The following UTP20 variants were observed in gnomAD, a reference collection of about 807,000 sequenced individuals.
UTP20 encodes small subunit processome component 20 homolog.
UTP20 carries 164 observed loss-of-function variants against 329.5 expected under a neutral mutation model. That is an observed-to-expected ratio of 0.50 (90% confidence interval 0.44 to 0.57). The LOEUF (loss-of-function observed/expected upper bound fraction) is 0.57, where lower values mean the gene tolerates loss of function less well. Among genes scored for constraint, UTP20 ranks in the 20% least tolerant of loss-of-function variants. The pLI is 0.00. For synonymous variants in UTP20, 1,151 were observed against 1,159.3 expected, an observed-to-expected ratio of 0.99 and a Z score of 0.14; for missense variants, 3,055 against 3,284.2, an observed-to-expected ratio of 0.93 and a Z score of 1.71.
Position 101,321,551 on chromosome 12 carries a change from T to C in UTP20, c.2963T>C (p.Ile988Thr), listed in dbSNP as rs1868374247. The change falls in exon 25 of 62, where the codon ATA becomes ACA. Residue 988 changes from isoleucine to threonine, a missense_variant. This residue lies in a region of UTP20 where 2,445 missense variants were observed against 2,575.5 expected (regional missense o/e 0.95). Transcript: ENST00000261637. ...GAAGACAGAAGCTTTAAGGAAGAGA[T>C]AGTGCATTTTAGCATTTCAGAAGAT... ...LLEDRSFKEE[I>T]VHFSISEDNA... is the part of the protein sequence containing the mutation. 1.9e-6 allele frequency: 3 copies of C among 1,613,554 alleles called. No homozygotes were observed. The highest frequency in any genetic ancestry group is 1.3e-5 in the African/African-American group (1 of 74,928).
rs757570523 is a variant in UTP20, at chr12:101,309,872, T to C, written c.2231+33T>C. 2.5e-6 allele frequency: 4 copies of C among 1,571,884 alleles called. No homozygotes were observed. The Admixed American group carries it at 6.7e-5, about 26-fold the overall frequency. On this transcript the variant is annotated intron_variant, in intron 19 of 61. Coordinates refer to ENST00000261637, the MANE Select transcript of UTP20 (RefSeq NM_014503.3). ...TGGGTTAAATGGGATGAAACTATTA[T>C]ACTTTAACTACTGCAGAATGATGGG...
At chr12:101,363,502 T>C in intron 44 of UTP20, 74 bp from the exon 45 acceptor site, 5 of 1,415,128 alleles carry the variant, frequency 3.5e-6, no homozygotes, top group East Asian at 2.4e-5. Context: ...ACCAGGGCCT[T>C]TTTTCAGTGA....
rs766750923 is a variant in UTP20 at position 101,374,837 on chromosome 12, C to G, written c.7161C>G (p.Ile2387Met). ...TAAATAGACAACTTGCTGCCCTGAT[C>G]TGTGGCTTGTTTGTGGAAAGTGAAG... ...KRLNRQLAAL[I>M]CGLFVESEGV... Residue 2387 changes from isoleucine to methionine, a missense_variant, in exon 55 of 62, where the codon ATC (isoleucine) becomes ATG (methionine). Physicochemically the swap from Ile to Met is conservative, Grantham distance 10. Coordinates refer to ENST00000261637, the MANE Select transcript of UTP20 (RefSeq NM_014503.3). 3.2e-6 allele frequency: 4 copies of G among 1,268,478 alleles called. No homozygotes were observed. The highest frequency in any genetic ancestry group is 3.5e-6 in the Non-Finnish European group (3 of 864,006). 78.6% of individuals were successfully genotyped at this position (1,268,478 alleles called of 1,614,324 possible). A position where few individuals can be genotyped will look rare whatever the true frequency, so the allele number is the denominator to read the frequency against.
intron 51 of UTP20, among the ~76,000 whole-genome samples, chr12:101,372,166 G>A (rs998289659): frequency 2.6e-5 from 4 of 152,154 alleles, no homozygotes; most frequent in Admixed American, 6.5e-5. Context: ...CAGAAGAAAC[G>A]GTATCCCCAT....
chr12:101,372,747 G>C, intron 51 of UTP20, 137 bp from the exon 52 acceptor site: 1 of 639,204 alleles, frequency 1.6e-6, no homozygotes, highest in Non-Finnish European at 2.8e-6. Flanking sequence ...GATTTAGCTG[G>C]AGTGCATTGG....
At position 101,375,604 on chromosome 12, in the gene UTP20, T is replaced by A; in HGVS notation, c.7264-20T>A. 1 of 1,607,500 alleles carries A rather than the reference T, an allele frequency of 6.2e-7. No individual in the cohort carries two copies. ...TTTCAGATTGTTGTTTTCATTGATT[T>A]ACATCCGTCTTGTTTTTAGATCATG... is the stretch of plus-strand genomic sequence containing the variant. On this transcript the variant is annotated intron_variant, in intron 55 of 61. Transcript: ENST00000261637.
At position 101,363,760 on chromosome 12, in the gene UTP20, A is replaced by G. The variant is rs770487006; in HGVS notation, c.5958+17A>G. On this transcript the variant is annotated intron_variant, in intron 45 of 61. Transcript: ENST00000261637. ...TTAAAAGAGGTAAGGACGTAAATGCAATTCTGGAGATCACAGCATTACAAT... is the reference window on the plus strand; with the variant it reads ...TTAAAAGAGGTAAGGACGTAAATGCGATTCTGGAGATCACAGCATTACAAT... 3 of 1,507,062 alleles carry G rather than the reference A, an allele frequency of 2.0e-6. No individual in the cohort carries two copies. In the East Asian group the frequency reaches 6.8e-5, roughly 34 times the overall value. The allele number at this position is 1,507,062 out of a possible 1,614,324, so 93.4% of individuals were successfully genotyped here.
rs746100891 is a variant in UTP20 at position 101,284,117 on chromosome 12, C to G, written c.127-1453C>G. Among the ~76,000 whole-genome samples the G allele has an allele frequency of 2.0e-4, 30 of 151,720 alleles. 1 individual carries two copies. The highest frequency in any genetic ancestry group is 3.1e-4 in the Non-Finnish European group (21 of 67,994). On this transcript the variant is annotated intron_variant, in intron 2 of 61. Transcript: ENST00000261637. Reference sequence around the variant, plus strand: ...TTTATTTCAACTTTGATTTTAGATACAGGGGGTACCTGTGCAGGTTTGTTA... The same window carrying G: ...TTTATTTCAACTTTGATTTTAGATAGAGGGGGTACCTGTGCAGGTTTGTTA...
chr12:101,345,785 T>C, intron 37 of UTP20, 91 bp downstream of exon 37: 1 of 1,245,158 alleles, frequency 8.0e-7, no homozygotes, highest in East Asian at 2.6e-5. Flanking sequence ...GTTTTAACTT[T>C]CCAAAAAGGT....
Position 101,363,566 on chromosome 12 carries a change from T to G in UTP20, c.5791-10T>G. 6.2e-7 allele frequency: 1 copy of G among 1,607,542 alleles called. No homozygotes were observed. Among genetic ancestry groups the G allele is most frequent in the Non-Finnish European group, 8.5e-7 (1 of 1,177,108 alleles). ...GCATATAATTGCCATTTGTCCTTTT[T>G]CTTCCAAAGATTTTTAACCATGAGT... On this transcript the variant is annotated splice_polypyrimidine_tract_variant and intron_variant, in intron 44 of 61. Transcript: ENST00000261637.
At chr12:101,385,449 T>G (rs1380027388) in intron 60 of UTP20, 134 bp from the exon 61 acceptor site, 7 of 1,028,882 alleles carry the variant, frequency 6.8e-6, no homozygotes, top group Non-Finnish European at 8.5e-6. Context: ...AGTTGAAATT[T>G]TGTTTTGTTT....
Position 101,346,528 on chromosome 12 carries a change from T to C in UTP20, c.4824T>C (p.Ser1608=). The C allele has an allele frequency of 6.2e-7, 1 of 1,610,274 alleles. No homozygotes were observed. Among genetic ancestry groups the C allele is most frequent in the Non-Finnish European group, 8.5e-7 (1 of 1,178,512 alleles). Residue 1608 remains serine, a synonymous_variant, in exon 38 of 62, where the codon TCT becomes TCC. Coordinates refer to ENST00000261637, the MANE Select transcript of UTP20 (RefSeq NM_014503.3). ...GCAAAGTTGTTCTGTCTTCTAAATC[T>C]CTTCAGAATTACATCATGCCTTATG... ...MEGKVVLSSK[S]LQNYIMPYAM... is the part of the protein sequence containing the mutation.
rs573373095 is a variant in UTP20, at chr12:101,309,315, T to C, written c.2155-448T>C. Among the ~76,000 whole-genome samples the C allele has an allele frequency of 3.3e-5, 5 of 152,330 alleles. No individual in the cohort carries two copies. In the East Asian group the frequency reaches 9.6e-4, roughly 29 times the overall value. ...GGAATGTTAGTAATAATGACCCTTA[T>C]TCCAAAAGGTGACCGGGAAACTTTA... On this transcript the variant is annotated intron_variant, in intron 18 of 61. Transcript: ENST00000261637.
In UTP20 at chr12:101,309,763, G is replaced by A; in HGVS notation, c.2155G>A (p.Val719Met). 2.5e-6 allele frequency: 4 copies of A among 1,613,468 alleles called. No homozygotes were observed. Among genetic ancestry groups the A allele is most frequent in the Non-Finnish European group, 2.5e-6 (3 of 1,179,836 alleles). The change falls in exon 19 of 62, where the codon GTG (valine) becomes ATG (methionine). Residue 719 changes from valine (V) to methionine (M), a missense_variant and splice_region_variant. Around this residue, in one of 3 missense-constraint regions of UTP20, gnomAD observed 2,445 missense variants for 2,575.5 expected, o/e 0.95. Transcript: ENST00000261637. ...TAVPDGPLQEVPLRYLLGMLY... is the reference protein window; with the variant it reads ...TAVPDGPLQEMPLRYLLGMLY... ...CTAAACTAGTCTTTTGTAATTGCAG[G>A]TGCCGCTTCGTTATTTGTTAGGCAT... is the stretch of plus-strand genomic sequence containing the variant.
chr12:101,357,508 T>C (rs1417727561), intron 43 of UTP20, among the ~76,000 whole-genome samples: 1 of 152,150 alleles, frequency 6.6e-6, no homozygotes, highest in Non-Finnish European at 1.5e-5. Context: ...CCCAGCACTT[T>C]AGGAGGCCAA....
intron 27 of UTP20, among the ~76,000 whole-genome samples, chr12:101,330,495 G>C (rs1868726766): frequency 6.6e-6 from 1 of 152,202 alleles, no homozygotes; most frequent in Admixed American, 6.5e-5. Flanking sequence ...AATAAGGACT[G>C]TGTAGTGTTT....
Position 101,302,895 on chromosome 12 carries a change from T to C in UTP20, c.1781+342T>C, listed in dbSNP as rs551253426. Among the ~76,000 whole-genome samples the C allele has an allele frequency of 3.3e-5, 5 of 152,376 alleles. No homozygotes were observed. In the South Asian group the frequency reaches 1.0e-3, roughly 32 times the overall value. On this transcript the variant is annotated intron_variant, in intron 15 of 61. Coordinates refer to ENST00000261637, the MANE Select transcript of UTP20 (RefSeq NM_014503.3). Reference sequence around the variant, plus strand: ...GGTTCCAACATGCACATTCCCACTCTTGTTCGGCCTCAACTTGAGGTGATC... The same window carrying C: ...GGTTCCAACATGCACATTCCCACTCCTGTTCGGCCTCAACTTGAGGTGATC...
At position 101,386,170 on chromosome 12, in the gene UTP20, T is replaced by G. The variant is rs1404674529; in HGVS notation, c.*47T>G. 3.2e-6 allele frequency: 5 copies of G among 1,555,520 alleles called. No individual in the cohort carries two copies. In the South Asian group the frequency reaches 6.2e-5, roughly 19 times the overall value. On this transcript the variant is annotated 3_prime_UTR_variant, in exon 62 of 62. Coordinates refer to ENST00000261637, the MANE Select transcript of UTP20 (RefSeq NM_014503.3). ...GCATGAACTTTCTGGAATATTCTGC[T>G]AGTCTGAAATTACAGTAGGTTGTCT...
chr12:101,371,430 G>T (rs893547690), intron 51 of UTP20, among the ~76,000 whole-genome samples: 4 of 151,910 alleles, frequency 2.6e-5, no homozygotes, highest in African/African-American at 9.7e-5. Flanking sequence ...AGCTTAGCTT[G>T]GTTGAGGAGC....
Sources: allele counts gnomAD v4.1 joint callset (sites outside exome capture counted in the v4.1 genomes callset), GRCh38; gene constraint gnomAD v4.1.1; regional missense constraint gnomAD v4.1.1; transcripts MANE v1.5; gene names NCBI Gene and HGNC (gene_info 2026-07-23, HGNC 2026-07-21).